FBXO42: variants seen among roughly 807,000 people sequenced by gnomAD.
The protein encoded by FBXO42 is F-box only protein 42.
A neutral mutation model predicts 71.7 loss-of-function variants in FBXO42; 12 were observed. The ratio of observed to expected loss-of-function variants is 0.17; its 90% CI spans 0.11 to 0.27. The LOEUF (loss-of-function observed/expected upper bound fraction) is 0.27. FBXO42 is among the 10% of genes least tolerant of loss of function. FBXO42 has a pLI of 1.00. For missense variants in FBXO42, 707 were observed against 911.9 expected (o/e 0.78, Z 2.89); for synonymous variants, 325 against 327.5 (o/e 0.99, Z 0.08).
chr1:16,341,608 TTAA>T (rs1337086970), intron 1 of FBXO42, among the ~76,000 whole-genome samples: 5 of 70,754 alleles, frequency 7.1e-5, no homozygotes, highest in African/African-American at 2.4e-4. Context: ...ACTGCGTCTT[TTAA>T]AAAAAAAAAA....
rs1486419232 is a variant in FBXO42, at chr1:16,252,321, C to A, written c.1005G>T (p.Gly335=). 6.2e-7 allele frequency: 1 copy of A among 1,614,194 alleles called. No individual in the cohort carries two copies. ...CTGGATGGCACCACAGTTCTGGGGC[C>A]CCATGCTCTTCATTTTCTACCTTGA... ...QPLKVENEEH[G]APELWCHPAC... Residue 335 remains glycine (G), a synonymous_variant, in exon 9 of 10, where the codon GGG becomes GGT. Coordinates refer to ENST00000375592, the MANE Select transcript of FBXO42 (RefSeq NM_018994.3). This position sits in a 1 kb window ranked among gnomAD's most constrained non-coding sequence, Gnocchi z 4.4.
intron 4 of FBXO42, among the ~76,000 whole-genome samples, chr1:16,277,142 G>A (rs910647224): frequency 1.3e-5 from 2 of 152,192 alleles, no homozygotes; most frequent in Non-Finnish European, 2.9e-5. Context: ...TCAATCACTC[G>A]TTTTTAAGAC....
intron 1 of FBXO42, among the ~76,000 whole-genome samples, chr1:16,350,049 C>T (rs1419575408): frequency 6.6e-6 from 1 of 152,098 alleles, no homozygotes; most frequent in Non-Finnish European, 1.5e-5. Flanking sequence ...CTGAATCTTA[C>T]TCAGGGTTTA....
intron 1 of FBXO42, among the ~76,000 whole-genome samples, chr1:16,348,305 G>A (rs1013194561): frequency 4.6e-5 from 7 of 151,628 alleles, no homozygotes; most frequent in South Asian, 2.1e-4. Context: ...TAAATTAATT[G>A]TACAACAACT....
chr1:16,263,497 G>T (rs2081736672), intron 4 of FBXO42, among the ~76,000 whole-genome samples: 2 of 151,738 alleles, frequency 1.3e-5, no homozygotes, highest in African/African-American at 4.8e-5. Flanking sequence ...CAGGCGTGGT[G>T]GATCACCTGA....
At chr1:16,335,180 C>T (rs1395566514) in intron 1 of FBXO42, among the ~76,000 whole-genome samples, 2 of 151,684 alleles carry the variant, frequency 1.3e-5, no homozygotes, top group Non-Finnish European at 2.9e-5. Flanking sequence ...TGTATCCCAG[C>T]GACTCAGGAG....
At chr1:16,274,066 T>C (rs547969494) in intron 4 of FBXO42, among the ~76,000 whole-genome samples, 1 of 152,082 alleles carries the variant, frequency 6.6e-6, no homozygotes, top group South Asian at 2.1e-4. Context: ...GAACTATACT[T>C]TGGGAATCTG....
intron 2 of FBXO42, among the ~76,000 whole-genome samples, chr1:16,313,358 AAGAAAGAAAGAAAG>A (rs2082334517): frequency 6.6e-6 from 1 of 150,442 alleles, no homozygotes; most frequent in Non-Finnish European, 1.5e-5. Flanking sequence ...GAAAGAAAGA[AAGAAAGAAAGAAAG>A]AGAAAAGAAA....
At chr1:16,270,854 AACAG>A (rs2081835933) in intron 4 of FBXO42, among the ~76,000 whole-genome samples, 1 of 151,628 alleles carries the variant, frequency 6.6e-6, no homozygotes, top group Non-Finnish European at 1.5e-5. Flanking sequence ...CAGTGACTAA[AACAG>A]ACAAAAAGCC....
chr1:16,289,891 G>A (rs2082061180), intron 4 of FBXO42, among the ~76,000 whole-genome samples: 1 of 152,142 alleles, frequency 6.6e-6, no homozygotes, highest in African/African-American at 2.4e-5. Flanking sequence ...CTCCAGCCTG[G>A]ATGACAGAGT....
At chr1:16,297,519 T>C (rs1455115376) in intron 3 of FBXO42, among the ~76,000 whole-genome samples, 3 of 152,146 alleles carry the variant, frequency 2.0e-5, no homozygotes, top group Non-Finnish European at 2.9e-5. Context: ...TAGCCATCAA[T>C]AGGCTCACAC....
At chr1:16,349,983 C>A (rs1292424007) in intron 1 of FBXO42, among the ~76,000 whole-genome samples, 1 of 152,138 alleles carries the variant, frequency 6.6e-6, no homozygotes, top group Non-Finnish European at 1.5e-5. Flanking sequence ...AAAACTCAGA[C>A]GTTTTGTTAG....
At chr1:16,330,338 C>G (rs934664452) in intron 1 of FBXO42, among the ~76,000 whole-genome samples, 3 of 150,482 alleles carry the variant, frequency 2.0e-5, no homozygotes, top group Non-Finnish European at 3.0e-5. Flanking sequence ...TGGGGCAACA[C>G]AGACTAGGCC....
At chr1:16,280,043 T>C (rs1240159811) in intron 4 of FBXO42, among the ~76,000 whole-genome samples, 1 of 152,090 alleles carries the variant, frequency 6.6e-6, no homozygotes, top group African/African-American at 2.4e-5. Flanking sequence ...AGACAGGGTT[T>C]CTCTATGTTG....
At chr1:16,326,877 G>T (rs2082456804) in intron 1 of FBXO42, among the ~76,000 whole-genome samples, 1 of 151,950 alleles carries the variant, frequency 6.6e-6, no homozygotes, top group South Asian at 2.1e-4. Flanking sequence ...ATGGCTAAAG[G>T]CCCTTAAACA....
Position 16,248,574 on chromosome 1 carries a change from T to G in FBXO42, c.*2096A>C, listed in dbSNP as rs541241696. 6.6e-6 allele frequency: 1 copy of G among 152,230 alleles called. No individual in the cohort carries two copies. Among genetic ancestry groups the G allele is most frequent in the African/African-American group, 2.4e-5 (1 of 41,450 alleles). 9.4% of individuals were successfully genotyped at this position (152,230 alleles called of 1,614,324 possible). ...TACTTTATATTTAGATAGGAACTAC[T>G]GAGTTTGGAGGCACAGTCCATGCAC... On this transcript the variant is annotated 3_prime_UTR_variant, in exon 10 of 10. Transcript: ENST00000375592.
intron 4 of FBXO42, among the ~76,000 whole-genome samples, chr1:16,259,906 A>G (rs2081691182): frequency 6.6e-6 from 1 of 152,364 alleles, no homozygotes. Flanking sequence ...TACACTTTAG[A>G]TCTGTACTGC....
intron 1 of FBXO42, among the ~76,000 whole-genome samples, chr1:16,340,422 G>T (rs2082591319): frequency 6.6e-6 from 1 of 151,908 alleles, no homozygotes; most frequent in South Asian, 2.1e-4. Flanking sequence ...CCAGGTTCAT[G>T]CAATTCTCCT....
intron 2 of FBXO42, 67 bp downstream of exon 2, chr1:16,315,102 T>C (rs2082351032): frequency 6.6e-7 from 1 of 1,519,064 alleles, no homozygotes; most frequent in Non-Finnish European, 8.9e-7. Context: ...AAAACTAAAT[T>C]TGGAGTCTAA....
Sources: allele counts gnomAD v4.1 joint callset (sites outside exome capture counted in the v4.1 genomes callset), GRCh38; gene constraint gnomAD v4.1.1; non-coding constraint Gnocchi (gnomAD v3.1); transcripts MANE v1.5; gene names NCBI Gene and HGNC (gene_info 2026-07-23, HGNC 2026-07-21).